Variants in TJP3 observed in about 807,000 individuals in gnomAD.
The protein encoded by TJP3 is tight junction protein 3, also known as tight junction protein ZO-3.
In TJP3, 85 loss-of-function variants were observed where a neutral mutation model predicts 104.2. The ratio of observed to expected loss-of-function variants is 0.82; its 90% CI spans 0.68 to 0.98. The LOEUF is 0.98. TJP3 is among the 50% of genes least tolerant of loss of function. The pLI, the probability that TJP3 is intolerant of heterozygous loss-of-function variation, is 0.00. For missense variants in TJP3, 1,367 were observed against 1,322.8 expected (o/e 1.03, Z -0.52); for synonymous variants, 550 against 550.6 (o/e 1.00, Z 0.02).
rs142779832 is a variant in TJP3, at chr19:3,747,943, C to T, written c.2472C>T (p.Asp824=). The T allele has an allele frequency of 4.8e-5, 77 of 1,613,068 alleles. No homozygotes were observed. Among genetic ancestry groups the T allele is most frequent in the East Asian group, 2.2e-4 (10 of 44,868 alleles). The change falls in exon 19 of 21, where the codon GAC becomes GAT. Residue 824 remains aspartate (D), a synonymous_variant. Transcript: ENST00000541714. Reference sequence around the variant, plus strand: ...ACACGGATGGCGAGGGCTACACAGACGGCGAGGGGGGGCCCTACACGGATG... The same window carrying T: ...ACACGGATGGCGAGGGCTACACAGATGGCGAGGGGGGGCCCTACACGGATG... ...GAYTDGEGYT[D]GEGGPYTDVD...
intron 1 of TJP3, among the ~76,000 whole-genome samples, chr19:3,714,112 G>A (rs554971114): frequency 1.3e-4 from 20 of 151,258 alleles, no homozygotes; most frequent in Non-Finnish European, 2.4e-4. Flanking sequence ...GTGCAGTGGC[G>A]CAATCTTGGC....
chr19:3,724,484 T>C (rs2036577799), intron 1 of TJP3, among the ~76,000 whole-genome samples: 1 of 152,162 alleles, frequency 6.6e-6, no homozygotes. Flanking sequence ...CATGAGCCAC[T>C]GTGCCCGGGC....
At chr19:3,724,194 GCTGT>G in intron 1 of TJP3, among the ~76,000 whole-genome samples, 1 of 151,976 alleles carries the variant, frequency 6.6e-6, no homozygotes, top group African/African-American at 2.4e-5. Flanking sequence ...GTTCCCTGGG[GCTGT>G]CTCTTTTTTT....
rs754754328 is a variant in TJP3 at position 3,732,041 on chromosome 19, G to T, written c.717+3G>T. ...AGGAAGGAGATCTCATTCTACAGGT[G>T]AGGCCGGGCTTCTTGTCCTGAGAGC... On this transcript the variant is annotated splice_donor_region_variant and intron_variant, in intron 6 of 20. Transcript: ENST00000541714. 1 of 1,610,914 alleles carries T rather than the reference G, an allele frequency of 6.2e-7. No homozygotes were observed. The highest frequency in any genetic ancestry group is 8.5e-7 in the Non-Finnish European group (1 of 1,179,166).
intron 1 of TJP3, 82 bp from the exon 2 acceptor site, chr19:3,728,342 C>A (rs1193285214): frequency 6.2e-7 from 1 of 1,609,342 alleles, no homozygotes; most frequent in Admixed American, 1.7e-5. Flanking sequence ...GAGCTGGACT[C>A]CCCACCCTGA....
chr19:3,736,157 C>T lies in TJP3; in HGVS notation c.1128-8C>T, dbSNP rs2036736008. 4 of 1,579,808 alleles carry T rather than the reference C, an allele frequency of 2.5e-6. No individual in the cohort carries two copies. The highest frequency in any genetic ancestry group is 2.2e-5 in the East Asian group (1 of 44,506). ...CTGCTCTGACCCCATCTCTGCCTCC[C>T]CTTGCAGGTACAGCCCCGACACGCG... On this transcript the variant is annotated splice_region_variant and splice_polypyrimidine_tract_variant and intron_variant, in intron 10 of 20. Transcript: ENST00000541714.
At chr19:3,728,034 G>A (rs1002754819) in intron 1 of TJP3, among the ~76,000 whole-genome samples, 1 of 152,154 alleles carries the variant, frequency 6.6e-6, no homozygotes, top group African/African-American at 2.4e-5. Flanking sequence ...GAGGCCAGAA[G>A]TTAAAGGCCA....
chr19:3,710,120 G>A (rs576039688), intron 1 of TJP3, among the ~76,000 whole-genome samples: 1 of 136,724 alleles, frequency 7.3e-6, no homozygotes, highest in South Asian at 2.5e-4. Context: ...CTGCACTCCA[G>A]CCTGGACAAC....
intron 13 of TJP3, among the ~76,000 whole-genome samples, 192 bp downstream of exon 13, chr19:3,739,326 C>A (rs1191011415): frequency 6.6e-6 from 1 of 152,156 alleles, no homozygotes; most frequent in African/African-American, 2.4e-5. Flanking sequence ...CTCGTCTCTA[C>A]TAAAAATACA....
At chr19:3,734,076 G>A (rs544849058) in intron 7 of TJP3, among the ~76,000 whole-genome samples, 164 bp downstream of exon 7, 4 of 152,296 alleles carry the variant, frequency 2.6e-5, no homozygotes, top group Non-Finnish European at 5.9e-5. Context: ...TCAGGGGGGC[G>A]ATCTCGGCTC....
intron 1 of TJP3, among the ~76,000 whole-genome samples, chr19:3,714,599 C>T (rs1158727580): frequency 2.6e-5 from 4 of 152,020 alleles, no homozygotes; most frequent in South Asian, 2.1e-4. Flanking sequence ...ATTGAATAAT[C>T]GCATATGTAA....
At chr19:3,739,903 A>T (rs778791739) in intron 13 of TJP3, among the ~76,000 whole-genome samples, 1 of 152,050 alleles carries the variant, frequency 6.6e-6, no homozygotes, top group Non-Finnish European at 1.5e-5. Context: ...CCCCTGGGTC[A>T]CCCAGGATCA....
intron 19 of TJP3, among the ~76,000 whole-genome samples, chr19:3,749,934 T>A (rs1431506970): frequency 6.6e-6 from 1 of 152,138 alleles, no homozygotes; most frequent in Non-Finnish European, 1.5e-5. Context: ...GCTGACAGGC[T>A]AGGAGGTCTC....
At position 3,746,803 on chromosome 19, in the gene TJP3, A is replaced by G. The variant is rs2036900319; in HGVS notation, c.2249A>G (p.Asp750Gly). ...ACCATCCCTCTGAATGGCACGAGTG[A>G]CACCTGGTACCAGGAGCTCAAGGCC... The part of the protein sequence containing the change: ...TATIPLNGTS[D>G]TWYQELKAII... The change falls in exon 18 of 21, where the codon GAC becomes GGC. Residue 750 changes from aspartate to glycine, a missense_variant. Asp to Gly is a moderately conservative substitution (Grantham distance 94). Coordinates refer to ENST00000541714, the MANE Select transcript of TJP3 (RefSeq NM_001267560.2). This position sits in a 1 kb window ranked among gnomAD's most constrained non-coding sequence, Gnocchi z 4.1. The G allele has an allele frequency of 1.9e-6, 3 of 1,611,334 alleles. No homozygotes were observed. The highest frequency in any genetic ancestry group is 2.5e-6 in the Non-Finnish European group (3 of 1,178,928).
chr19:3,736,775 C>A (rs932303701), intron 11 of TJP3, among the ~76,000 whole-genome samples: 4 of 151,922 alleles, frequency 2.6e-5, no homozygotes, highest in African/African-American at 9.7e-5. Flanking sequence ...AGGGTTTCGC[C>A]ATGTTGGCCA....
intron 1 of TJP3, chr19:3,722,018 TA>T: frequency 1.8e-6 from 1 of 571,136 alleles, no homozygotes; most frequent in Non-Finnish European, 2.6e-6. Flanking sequence ...CCTACCTACA[TA>T]ACAGGCAGGG....
chr19:3,725,471 G>A (rs1599148325), intron 1 of TJP3, among the ~76,000 whole-genome samples: 1 of 151,896 alleles, frequency 6.6e-6, no homozygotes. Context: ...CACATCAAGC[G>A]CCTGCTTGCA....
At chr19:3,749,158 G>A (rs1407284864) in intron 19 of TJP3, among the ~76,000 whole-genome samples, 3 of 151,754 alleles carry the variant, frequency 2.0e-5, no homozygotes, top group African/African-American at 7.3e-5. Context: ...GTGAGCCACC[G>A]CACCTGGCCT....
chr19:3,733,892 GC>G lies in TJP3; in HGVS notation c.858del (p.Ser286ArgfsTer55), dbSNP rs1225584720. 6.2e-7 allele frequency: 1 copy of G among 1,614,080 alleles called. No homozygotes were observed. Among genetic ancestry groups the G allele is most frequent in the Non-Finnish European group, 8.5e-7 (1 of 1,179,954 alleles). ...AACATTCCGCCTGCTGTCAGTGACA[GC>G]GACAGCTCGCCATTGGAGGGTGAGG... The part of the protein sequence containing the change: ...LVNIPPAVSD[S>X]DSSPLEDISD... On this transcript the variant is annotated frameshift_variant, in exon 7 of 21. Transcript: ENST00000541714. LOFTEE classifies it high-confidence loss of function.
Sources: gnomAD v4.1 joint callset for allele counts (sites outside exome capture counted in the v4.1 genomes callset) on GRCh38, gnomAD v4.1.1 for gene constraint, Gnocchi (gnomAD v3.1) non-coding constraint, MANE v1.5 for transcripts, NCBI Gene and HGNC (gene_info 2026-07-23, HGNC 2026-07-21) for gene names.